IRAK2: variants seen among roughly 807,000 people sequenced by gnomAD.
IRAK2 encodes interleukin-1 receptor-associated kinase-like 2.
Under a neutral mutation model 72.0 loss-of-function variants are expected in IRAK2, and 57 were observed. The ratio of observed to expected loss-of-function variants is 0.79; its 90% CI spans 0.64 to 0.99. The LOEUF is 0.99. IRAK2 is among the 50% of genes least tolerant of loss of function. The pLI, the probability that IRAK2 is intolerant of heterozygous loss-of-function variation, is 0.00. For synonymous variants in IRAK2, 293 were observed against 312.7 expected (o/e 0.94, Z 0.67); for missense variants, 790 against 794.4 (o/e 0.99, Z 0.07).
intron 2 of IRAK2, among the ~76,000 whole-genome samples, chr3:10,192,626 AG>A (rs1458817076): frequency 6.6e-6 from 1 of 152,242 alleles, no homozygotes; most frequent in African/African-American, 2.4e-5. Context: ...GCAAGAACTT[AG>A]GAAAAAAAGC....
intron 11 of IRAK2, 108 bp downstream of exon 11, chr3:10,234,767 T>A: frequency 1.0e-6 from 1 of 985,092 alleles, no homozygotes; most frequent in Non-Finnish European, 1.5e-6. Context: ...TTGTGCTTGC[T>A]TGCAAGCCGC....
chr3:10,209,577 C>A lies in IRAK2; in HGVS notation c.425-12C>A. The stretch of plus-strand genomic sequence containing the variant: ...CGAGGCTGCATCCTGACCCATAGTC[C>A]CTCCTTTCCAGGGTCCTCTCCAGCC... On this transcript the variant is annotated splice_polypyrimidine_tract_variant and intron_variant, in intron 3 of 12. Coordinates refer to ENST00000256458, the MANE Select transcript of IRAK2 (RefSeq NM_001570.4). 1 of 1,531,870 alleles carries A rather than the reference C, an allele frequency of 6.5e-7. No homozygotes were observed. The highest frequency in any genetic ancestry group is 1.4e-5 in the African/African-American group (1 of 70,244). 94.9% of individuals were successfully genotyped at this position (1,531,870 alleles called of 1,614,324 possible). A position where few individuals can be genotyped will look rare whatever the true frequency, so the allele number is the denominator to read the frequency against.
At chr3:10,196,000 G>A (rs941306685) in intron 2 of IRAK2, among the ~76,000 whole-genome samples, 1 of 152,208 alleles carries the variant, frequency 6.6e-6, no homozygotes, top group South Asian at 2.1e-4. Context: ...AGGGAGCACA[G>A]GCAGAGCTTT....
At chr3:10,182,309 G>T (rs1165884514) in intron 2 of IRAK2, among the ~76,000 whole-genome samples, 1 of 144,544 alleles carries the variant, frequency 6.9e-6, no homozygotes, top group Non-Finnish European at 1.5e-5. Context: ...TTGGGACAGA[G>T]TCTCACTCTG....
At chr3:10,176,964 G>T (rs936232910) in intron 1 of IRAK2, among the ~76,000 whole-genome samples, 2 of 151,702 alleles carry the variant, frequency 1.3e-5, no homozygotes, top group African/African-American at 4.8e-5. Context: ...CACCACGCCC[G>T]GCTAATTTTT....
At chr3:10,176,684 A>G (rs1250238260) in intron 1 of IRAK2, among the ~76,000 whole-genome samples, 1 of 149,320 alleles carries the variant, frequency 6.7e-6, no homozygotes, top group Non-Finnish European at 1.5e-5. Context: ...TCACCATGTT[A>G]GCCAGCATGG....
chr3:10,199,430 G>A (rs1697319875), intron 2 of IRAK2, among the ~76,000 whole-genome samples: 1 of 152,196 alleles, frequency 6.6e-6, no homozygotes, highest in Admixed American at 6.5e-5. Flanking sequence ...AAGCAGAGAT[G>A]TTGTGAGGAT....
chr3:10,237,236 G>A (rs946719528), intron 11 of IRAK2, among the ~76,000 whole-genome samples: 2 of 152,162 alleles, frequency 1.3e-5, no homozygotes, highest in African/African-American at 4.8e-5. Context: ...ATGTGACCTG[G>A]GCCTTGAAGG....
At chr3:10,231,693 T>G (rs1009236092) in intron 10 of IRAK2, among the ~76,000 whole-genome samples, 1 of 152,160 alleles carries the variant, frequency 6.6e-6, no homozygotes, top group African/African-American at 2.4e-5. Flanking sequence ...AAAAAAAATT[T>G]TATGTGGAGA....
intron 10 of IRAK2, among the ~76,000 whole-genome samples, chr3:10,231,289 G>A (rs562838121): frequency 5.9e-5 from 9 of 151,976 alleles, no homozygotes; most frequent in African/African-American, 2.2e-4. Context: ...AACCACTTAT[G>A]TTTAATTTTA....
Position 10,230,046 on chromosome 3 carries a change from C to T in IRAK2, c.1272+3613C>T, listed in dbSNP as rs555874516. ...ACCTGGGAGGCAGAGTACAGTGAGT[C>T]GAGATTGTGCCACAGCACTCCAGCC... is the stretch of plus-strand genomic sequence containing the variant. On this transcript the variant is annotated intron_variant, in intron 10 of 12. Coordinates refer to ENST00000256458, the MANE Select transcript of IRAK2 (RefSeq NM_001570.4). 1.3e-3 allele frequency among the ~76,000 whole-genome samples: 197 copies of T among 151,842 alleles called. 1 individual carries two copies. The highest frequency in any genetic ancestry group is 4.6e-3 in the African/African-American group (192 of 41,396).
intron 11 of IRAK2, among the ~76,000 whole-genome samples, chr3:10,236,342 G>GTTTTT (rs34423993): frequency 1.1e-4 from 11 of 99,652 alleles, no homozygotes; most frequent in Admixed American, 2.8e-4. Flanking sequence ...AGCCACTAAG[G>GTTTTT]TTTTTTTTTT....
intron 1 of IRAK2, among the ~76,000 whole-genome samples, chr3:10,165,962 T>C (rs1316851523): frequency 6.6e-6 from 1 of 151,952 alleles, no homozygotes; most frequent in Non-Finnish European, 1.5e-5. Flanking sequence ...TCTCCTGACC[T>C]TGTGATCCGC....
chr3:10,193,458 A>C (rs944810681), intron 2 of IRAK2, among the ~76,000 whole-genome samples: 1 of 151,998 alleles, frequency 6.6e-6, no homozygotes, highest in Non-Finnish European at 1.5e-5. Context: ...AAACAAAAAC[A>C]AAAACAAAAA....
intron 1 of IRAK2, among the ~76,000 whole-genome samples, chr3:10,167,527 G>C (rs151092109): frequency 2.6e-3 from 401 of 151,748 alleles, no homozygotes; most frequent in African/African-American, 9.0e-3. Context: ...CCATTCTCCT[G>C]CTTCAGCCTC....
At chr3:10,205,073 C>T (rs1697415679) in intron 3 of IRAK2, among the ~76,000 whole-genome samples, 1 of 152,132 alleles carries the variant, frequency 6.6e-6, no homozygotes. Flanking sequence ...CTCCATGTCC[C>T]CATCAGCTGG....
At chr3:10,241,667 G>A (rs1225951631) in intron 12 of IRAK2, among the ~76,000 whole-genome samples, 3 of 152,034 alleles carry the variant, frequency 2.0e-5, no homozygotes, top group South Asian at 2.1e-4. Context: ...TCGGGAGGCC[G>A]AGGCGGGTGG....
In IRAK2 at chr3:10,177,891, C is replaced by T. The variant is rs962507940; in HGVS notation, c.148C>T (p.Arg50Trp). The change falls in exon 2 of 13, where the codon CGG (arginine) becomes TGG (tryptophan). Residue 50 changes from arginine to tryptophan, a missense_variant. Physicochemically the swap from Arg to Trp is moderately radical, Grantham distance 101 (BLOSUM62 -3). Coordinates refer to ENST00000256458, the MANE Select transcript of IRAK2 (RefSeq NM_001570.4). ...TQLRKIKSME[R>W]VQGVSITREL... is the part of the protein sequence containing the mutation. ...GCTGCGGAAGATCAAGTCCATGGAG[C>T]GGGTGCAGGGTGTGAGCATCACGCG... 7 of 1,613,754 alleles carry T rather than the reference C, an allele frequency of 4.3e-6. No homozygotes were observed. Among genetic ancestry groups the T allele is most frequent in the Admixed American group, 3.3e-5 (2 of 60,022 alleles).
chr3:10,200,603 G>A (rs925781354), intron 3 of IRAK2, 88 bp downstream of exon 3: 9 of 1,230,134 alleles, frequency 7.3e-6, no homozygotes, highest in African/African-American at 6.2e-5. Context: ...TAGCATATAA[G>A]AGCAAAAAAT....
Sources: gnomAD v4.1 joint callset for allele counts (sites outside exome capture counted in the v4.1 genomes callset) on GRCh38, gnomAD v4.1.1 for gene constraint, MANE v1.5 for transcripts, NCBI Gene and HGNC (gene_info 2026-07-23, HGNC 2026-07-21) for gene names.